Variants in PDE11A observed in about 807,000 individuals in gnomAD.
PDE11A encodes dual 3',5'-cyclic-AMP and -GMP phosphodiesterase 11A.
In PDE11A, 100 loss-of-function variants were observed where a neutral mutation model predicts 100.5. That is an observed-to-expected ratio of 1.00 (90% CI 0.85 to 1.18). PDE11A has a LOEUF of 1.18. PDE11A is among the 50% of genes most tolerant of loss of function. PDE11A has a pLI of 0.00. For synonymous variants in PDE11A, 381 were observed against 420.8 expected (o/e 0.91, Z 1.16); for missense variants, 1,141 against 1,152.6 (o/e 0.99, Z 0.15).
chr2:178,036,456 G>A (rs183988426), intron 1 of PDE11A, among the ~76,000 whole-genome samples: 4 of 152,124 alleles, frequency 2.6e-5, no homozygotes, highest in Admixed American at 6.6e-5. Flanking sequence ...CCAAAGTAAC[G>A]TATAGAGCCA....
At position 177,711,754 on chromosome 2, in the gene PDE11A, G is replaced by C; in HGVS notation, c.2153+15C>G. 7.4e-7 allele frequency: 1 copy of C among 1,348,636 alleles called. No homozygotes were observed. The highest frequency in any genetic ancestry group is 1.1e-6 in the Non-Finnish European group (1 of 937,954). The allele number at this position is 1,348,636 out of a possible 1,614,324, so 83.5% of individuals were successfully genotyped here. On this transcript the variant is annotated intron_variant, in intron 13 of 19. Transcript: ENST00000286063. ...AGGCAAATGCATTAAAATAACAACAGTTTAGAACACTTACTTAGCTTGGAA... is the reference window on the plus strand; with the variant it reads ...AGGCAAATGCATTAAAATAACAACACTTTAGAACACTTACTTAGCTTGGAA...
rs772539345 is a variant in PDE11A at position 177,840,308 on chromosome 2, T to C, written c.1443A>G (p.Ser481=). The change falls in exon 6 of 20, where the codon TCA becomes TCG. Residue 481 remains serine, a synonymous_variant. Coordinates refer to ENST00000286063, the MANE Select transcript of PDE11A (RefSeq NM_016953.4). ...CACTGATGTTCACTGGAAGGCCTGT[T>C]GAAGCAACCAGCTCAGCAATGCTGT... The part of the protein sequence containing the change: ...INNSIAELVA[S]TGLPVNISDA... 2.5e-6 allele frequency: 4 copies of C among 1,614,058 alleles called. No homozygotes were observed. Among genetic ancestry groups the C allele is most frequent in the Non-Finnish European group, 3.4e-6 (4 of 1,179,890 alleles).
chr2:178,105,785 C>G (rs2105891000), intron 1 of PDE11A: 2 of 961,028 alleles, frequency 2.1e-6, no homozygotes, highest in East Asian at 7.0e-5. Context: ...TTCCTCCACC[C>G]CTCCCTATCT....
Position 177,922,712 on chromosome 2 carries a change from C to T in PDE11A, c.1072-17525G>A, listed in dbSNP as rs1043997421. 1.7e-5 allele frequency: 17 copies of T among 985,338 alleles called. No homozygotes were observed. The African/African-American group carries it at 2.8e-4, about 16-fold the overall frequency. 61.0% of individuals were successfully genotyped at this position (985,338 alleles called of 1,614,324 possible). A position where few individuals can be genotyped will look rare whatever the true frequency, so the allele number is the denominator to read the frequency against. ...CCCCACTCCAATCCAAGCTACCTTTCTGGCTGTTCCATGGCTTCCTATTGC... is the reference window on the plus strand; with the variant it reads ...CCCCACTCCAATCCAAGCTACCTTTTTGGCTGTTCCATGGCTTCCTATTGC... On this transcript the variant is annotated intron_variant, in intron 2 of 19. Transcript: ENST00000286063.
intron 19 of PDE11A, among the ~76,000 whole-genome samples, chr2:177,633,296 C>T (rs2079983478): frequency 1.3e-5 from 2 of 152,224 alleles, no homozygotes; most frequent in African/African-American, 4.8e-5. Flanking sequence ...AATAGTAAGT[C>T]CTCCAACAGG....
At position 178,014,317 on chromosome 2, in the gene PDE11A, A is replaced by G. The variant is rs1382185381; in HGVS notation, c.1056T>C (p.Thr352=). ...INKIPEGAPF[T]EDDEKVMQMY... ...GAAATCTTACTTTTTCATCATCTTC[A>G]GTAAATGGAGCTCCTTCAGGAATCT... The change falls in exon 2 of 20, where the codon ACT becomes ACC. Residue 352 remains threonine, a synonymous_variant. Transcript: ENST00000286063. 5.0e-6 allele frequency: 8 copies of G among 1,612,808 alleles called. No homozygotes were observed. The highest frequency in any genetic ancestry group is 6.8e-6 in the Non-Finnish European group (8 of 1,178,840).
chr2:177,744,772 C>T (rs2081924276), intron 10 of PDE11A, among the ~76,000 whole-genome samples: 1 of 152,294 alleles, frequency 6.6e-6, no homozygotes, highest in African/African-American at 2.4e-5. Flanking sequence ...CTTGCTTTGG[C>T]CAATAGAATG....
At chr2:177,881,515 G>C (rs2084342584) in intron 4 of PDE11A, among the ~76,000 whole-genome samples, 1 of 152,170 alleles carries the variant, frequency 6.6e-6, no homozygotes, top group Non-Finnish European at 1.5e-5. Flanking sequence ...CAGCCAAATT[G>C]ACCCTGAGTC....
intron 2 of PDE11A, chr2:177,921,895 T>C (rs1177346517): frequency 6.6e-6 from 1 of 152,226 alleles, no homozygotes; most frequent in African/African-American, 2.4e-5. Flanking sequence ...GCTGGACTTC[T>C]TCCCTAGCTA....
chr2:177,950,738 C>T (rs1431815810), intron 2 of PDE11A, among the ~76,000 whole-genome samples: 4 of 152,182 alleles, frequency 2.6e-5, no homozygotes, highest in East Asian at 1.9e-4. Context: ...GGTGAAACCC[C>T]GTCTTTATTA....
intron 9 of PDE11A, among the ~76,000 whole-genome samples, chr2:177,800,515 G>A (rs546462180): frequency 4.6e-5 from 7 of 152,198 alleles, no homozygotes; most frequent in African/African-American, 1.7e-4. Context: ...TCACCTAACT[G>A]TAGTTCATTC....
chr2:177,739,856 C>T (rs1370076847), intron 10 of PDE11A, among the ~76,000 whole-genome samples: 2 of 152,158 alleles, frequency 1.3e-5, no homozygotes, highest in East Asian at 3.8e-4. Flanking sequence ...GGTTTCTACT[C>T]TTAGGGCTGA....
At chr2:177,631,305 A>C (rs1391380260) in intron 19 of PDE11A, among the ~76,000 whole-genome samples, 1 of 41,280 alleles carries the variant, frequency 2.4e-5, no homozygotes, top group African/African-American at 6.6e-5. Flanking sequence ...AAAAAAAAAA[A>C]AAAAACAAAA....
intron 2 of PDE11A, among the ~76,000 whole-genome samples, chr2:177,943,829 A>G (rs1347836091): frequency 1.3e-5 from 2 of 152,108 alleles, no homozygotes; most frequent in African/African-American, 2.4e-5. Context: ...CTTTCCCCCT[A>G]TGATTCCTAC....
intron 5 of PDE11A, among the ~76,000 whole-genome samples, chr2:177,857,311 G>C (rs2083854621): frequency 1.3e-5 from 2 of 151,866 alleles, no homozygotes; most frequent in South Asian, 4.2e-4. Flanking sequence ...AAGCCTTCAG[G>C]CTGAAATGAA....
At chr2:178,030,129 A>T (rs1233505741) in intron 1 of PDE11A, among the ~76,000 whole-genome samples, 1 of 152,208 alleles carries the variant, frequency 6.6e-6, no homozygotes, top group East Asian at 1.9e-4. Flanking sequence ...AAAGAATAAC[A>T]TATGAAAATC....
intron 1 of PDE11A, among the ~76,000 whole-genome samples, chr2:178,049,177 C>A (rs13387463): frequency 6.6e-6 from 1 of 152,026 alleles, no homozygotes; most frequent in Non-Finnish European, 1.5e-5. Context: ...GACTTTGAGC[C>A]GGGCACTTAA....
chr2:177,790,509 CA>C (rs1412586841), intron 9 of PDE11A, among the ~76,000 whole-genome samples: 1 of 151,996 alleles, frequency 6.6e-6, no homozygotes, highest in Non-Finnish European at 1.5e-5. Context: ...ACACCAAAAG[CA>C]ATGGCAACAA....
intron 5 of PDE11A, among the ~76,000 whole-genome samples, chr2:177,862,255 A>G (rs1188651938): frequency 6.6e-6 from 1 of 151,850 alleles, no homozygotes; most frequent in Non-Finnish European, 1.5e-5. Context: ...GGACCTGAAT[A>G]GACGTTTCCT....
Sources: gnomAD v4.1 joint callset for allele counts (sites outside exome capture counted in the v4.1 genomes callset) on GRCh38, gnomAD v4.1.1 for gene constraint, MANE v1.5 for transcripts, NCBI Gene and HGNC (gene_info 2026-07-23, HGNC 2026-07-21) for gene names.